The following TMEM131L variants were observed in gnomAD, a reference collection of about 807,000 sequenced individuals.
The protein encoded by TMEM131L is transmembrane 131 like.
Under a neutral mutation model 192.2 loss-of-function variants are expected in TMEM131L, and 54 were observed. The ratio of observed to expected loss-of-function variants is 0.28; its 90% CI spans 0.23 to 0.35. TMEM131L has a LOEUF of 0.35. Ranked by LOEUF, TMEM131L falls within the 10% of genes least tolerant of loss-of-function variation. TMEM131L has a pLI of 1.00. For missense variants in TMEM131L, 1,888 were observed against 1,972.9 expected, an observed-to-expected ratio of 0.96 and a Z score of 0.82; for synonymous variants, 701 against 704.9, an observed-to-expected ratio of 0.99 and a Z score of 0.09.
At chr4:153,532,249 G>C (rs1735953175) in intron 3 of TMEM131L, among the ~76,000 whole-genome samples, 1 of 152,196 alleles carries the variant, frequency 6.6e-6, no homozygotes, top group Non-Finnish European at 1.5e-5. Context: ...AAATGCATCT[G>C]CATATGGCAT....
chr4:153,589,150 T>A, intron 16 of TMEM131L, 143 bp downstream of exon 16: 1 of 437,992 alleles, frequency 2.3e-6, no homozygotes, highest in Non-Finnish European at 4.0e-6. Context: ...CTATATACTA[T>A]GCATGAATTT....
chr4:153,572,681 C>A (rs905138734), intron 7 of TMEM131L, among the ~76,000 whole-genome samples: 11 of 152,198 alleles, frequency 7.2e-5, no homozygotes, highest in Non-Finnish European at 1.5e-4. Context: ...TTGCCTTCCC[C>A]TTTCCCTATA....
At position 153,623,048 on chromosome 4, in the gene TMEM131L, A is replaced by T. The variant is rs1176510904; in HGVS notation, c.4010A>T (p.Lys1337Met). The T allele has an allele frequency of 6.2e-7, 1 of 1,612,630 alleles. No individual in the cohort carries two copies. Among genetic ancestry groups the T allele is most frequent in the South Asian group, 1.1e-5 (1 of 90,946 alleles). Residue 1337 changes from lysine (K) to methionine (M), a missense_variant, in exon 29 of 35, where the codon AAG becomes ATG. Transcript: ENST00000409959. ...SSTSSSDGDK[K>M]PMVDAQHFLP... is the part of the protein sequence containing the mutation. ...ACCAGCAGCTCCGACGGGGATAAGA[A>T]GCCCATGGTGGACGCCCAGCACTTC...
chr4:153,545,436 C>T (rs376091490), intron 3 of TMEM131L, among the ~76,000 whole-genome samples: 1 of 151,862 alleles, frequency 6.6e-6, no homozygotes, highest in East Asian at 1.9e-4. Context: ...TACAGGCGCC[C>T]GCCACCATGC....
At position 153,614,529 on chromosome 4, in the gene TMEM131L, G is replaced by C. The variant is rs554847366; in HGVS notation, c.3567+2129G>C. 3.3e-5 allele frequency among the ~76,000 whole-genome samples: 5 copies of C among 152,280 alleles called. No homozygotes were observed. The East Asian group carries it at 9.6e-4, about 29-fold the overall frequency. On this transcript the variant is annotated intron_variant, in intron 26 of 34. Transcript: ENST00000409959. ...GGTTTCTGAGTTGGTGGGGGGCGGC[G>C]GGGTGGACAGTGGTTAACAAATTGA...
At chr4:153,618,979 C>T (rs1182410188) in intron 26 of TMEM131L, among the ~76,000 whole-genome samples, 5 of 152,316 alleles carry the variant, frequency 3.3e-5, no homozygotes, top group East Asian at 1.9e-4. Context: ...ATATGTCTCA[C>T]GCCTCTGAAT....
chr4:153,523,214 T>C (rs752197259), intron 3 of TMEM131L, among the ~76,000 whole-genome samples: 2 of 152,254 alleles, frequency 1.3e-5, no homozygotes, highest in Admixed American at 6.5e-5. Context: ...CCAAATGTTA[T>C]GTCAGGCATT....
intron 1 of TMEM131L, 132 bp downstream of exon 1, chr4:153,466,653 T>TG (rs1191652867): frequency 2.2e-6 from 2 of 897,774 alleles, no homozygotes; most frequent in Non-Finnish European, 2.9e-6. Flanking sequence ...GGAAAGCTGT[T>TG]GCGATTCTCC....
intron 3 of TMEM131L, among the ~76,000 whole-genome samples, chr4:153,478,444 A>G (rs1396717296): frequency 6.6e-6 from 1 of 152,242 alleles, no homozygotes; most frequent in East Asian, 1.9e-4. Flanking sequence ...AATTACAAAG[A>G]TAGTACAGAG....
chr4:153,610,784 A>G (rs574685530), intron 25 of TMEM131L, among the ~76,000 whole-genome samples: 50 of 152,314 alleles, frequency 3.3e-4, no homozygotes, highest in Middle Eastern at 3.4e-3. Flanking sequence ...CAAGTCCCAC[A>G]GAAGGGCTGG....
intron 3 of TMEM131L, among the ~76,000 whole-genome samples, chr4:153,520,032 G>C (rs1734998724): frequency 6.6e-6 from 1 of 152,214 alleles, no homozygotes; most frequent in Non-Finnish European, 1.5e-5. Context: ...GGGAAGGTCT[G>C]TGTAGACTTG....
In TMEM131L at chr4:153,534,472, C is replaced by T. The variant is rs1047063406; in HGVS notation, c.240-15601C>T. 3.2e-4 allele frequency among the ~76,000 whole-genome samples: 49 copies of T among 152,112 alleles called. 1 individual carries two copies. Among genetic ancestry groups the T allele is most frequent in the Admixed American group, 3.0e-3 (46 of 15,284 alleles). ...TTTTTGAGACAGAGTCTTGCTCTGT[C>T]GCCCAGGCTGGAGTACAGTGGCGCA... On this transcript the variant is annotated intron_variant, in intron 3 of 34. Transcript: ENST00000409959.
chr4:153,476,039 A>G (rs1189726202), intron 3 of TMEM131L, among the ~76,000 whole-genome samples: 2 of 150,026 alleles, frequency 1.3e-5, no homozygotes, highest in African/African-American at 2.5e-5. Flanking sequence ...GCCTACTGCA[A>G]CCTCCCCCTC....
intron 19 of TMEM131L, among the ~76,000 whole-genome samples, chr4:153,594,778 G>C (rs1161066326): frequency 6.6e-5 from 10 of 152,154 alleles, no homozygotes; most frequent in Non-Finnish European, 1.3e-4. Flanking sequence ...GGCGAGTTGG[G>C]GGGAGTGGTG....
At chr4:153,547,001 A>G (rs749204712) in intron 3 of TMEM131L, among the ~76,000 whole-genome samples, 1 of 152,248 alleles carries the variant, frequency 6.6e-6, no homozygotes, top group African/African-American at 2.4e-5. Flanking sequence ...TATGTCTGAA[A>G]TAGTTTTACC....
chr4:153,569,702 TG>T (rs1168922018), intron 7 of TMEM131L, among the ~76,000 whole-genome samples: 28 of 152,252 alleles, frequency 1.8e-4, no homozygotes, highest in Non-Finnish European at 3.4e-4. Flanking sequence ...TCAGTTTATC[TG>T]TAAAATATGT....
intron 7 of TMEM131L, among the ~76,000 whole-genome samples, chr4:153,574,231 G>T (rs921026116): frequency 2.0e-5 from 3 of 152,166 alleles, no homozygotes; most frequent in African/African-American, 7.2e-5. Context: ...CACTTCCTAG[G>T]TTTTTGCAAA....
Position 153,632,557 on chromosome 4 carries a change from G to GTAT in TMEM131L, c.4208-159_4208-157dup, listed in dbSNP as rs1303020139. ...GAAGAAACGGTCAAAACAATATGCT[G>GTAT]TATTTCAGAATTATATCCTGAAATT... On this transcript the variant is annotated intron_variant, in intron 31 of 34. Coordinates refer to ENST00000409959, the MANE Select transcript of TMEM131L (RefSeq NM_001131007.2). 45 of 729,656 alleles carry GTAT rather than the reference G, an allele frequency of 6.2e-5. No individual in the cohort carries two copies. In the East Asian group the frequency reaches 1.2e-3, roughly 19 times the overall value. The allele number at this position is 729,656 out of a possible 1,614,324, so 45.2% of individuals were successfully genotyped here.
intron 27 of TMEM131L, among the ~76,000 whole-genome samples, chr4:153,621,363 C>T (rs1383930693): frequency 6.6e-6 from 1 of 152,166 alleles, no homozygotes; most frequent in African/African-American, 2.4e-5. Flanking sequence ...TAGGTTCTTA[C>T]AGCTGCAGGA....
Sources: gnomAD v4.1 joint callset for allele counts (sites outside exome capture counted in the v4.1 genomes callset) on GRCh38, gnomAD v4.1.1 for gene constraint, MANE v1.5 for transcripts, NCBI Gene and HGNC (gene_info 2026-07-23, HGNC 2026-07-21) for gene names.